Variants in CACYBP observed in about 807,000 individuals in gnomAD.
CACYBP encodes calcyclin binding protein, also known as calcyclin-binding protein.
A neutral mutation model predicts 29.6 loss-of-function variants in CACYBP; 11 were observed. The ratio of observed to expected loss-of-function variants is 0.37; its 90% CI spans 0.23 to 0.61. The LOEUF (loss-of-function observed/expected upper bound fraction) is 0.61, where lower values mean the gene tolerates loss of function less well. Ranked by LOEUF, CACYBP falls within the 20% of genes least tolerant of loss-of-function variation. The pLI is 0.65. For missense variants in CACYBP, 163 were observed against 260.7 expected, an observed-to-expected ratio of 0.63 and a Z score of 2.58; for synonymous variants, 73 against 88.3, an observed-to-expected ratio of 0.83 and a Z score of 0.97.
At chr1:175,006,691 C>T (rs1672626014) in intron 2 of CACYBP, 54 bp from the exon 3 acceptor site, 1 of 884,720 alleles carries the variant, frequency 1.1e-6, no homozygotes, top group Non-Finnish European at 1.9e-6. Context: ...ATTTGCTGTT[C>T]TAAAGATAGT....
chr1:174,999,758 G>T, upstream of CACYBP: 1 of 278,828 alleles, frequency 3.6e-6, no homozygotes, highest in South Asian at 3.2e-5. Flanking sequence ...GGCCCAGCGC[G>T]GTCAAATTAT....
chr1:174,999,867 G>T, upstream of CACYBP: 1 of 503,720 alleles, frequency 2.0e-6, no homozygotes, highest in Non-Finnish European at 3.5e-6. Context: ...TTCGGCAGGC[G>T]GGCGGAGCCA....
intron 4 of CACYBP, 90 bp from the exon 5 acceptor site, chr1:175,008,519 T>G (rs1672671836): frequency 8.2e-6 from 6 of 731,192 alleles, no homozygotes; most frequent in Non-Finnish European, 1.5e-5. Flanking sequence ...TACTAGGGAC[T>G]TGATCAATTG....
Position 175,000,279 on chromosome 1 carries a change from C to A in CACYBP, c.15+84C>A, listed in dbSNP as rs1440546334. ...CCCGCCCTACCGCCGTTTCCGTGGG[C>A]TGAGCCGCCCTGCGGCCACCCGGTC... On this transcript the variant is annotated intron_variant, in intron 1 of 5. Coordinates refer to ENST00000367679, the MANE Select transcript of CACYBP (RefSeq NM_014412.3). The A allele has an allele frequency of 3.1e-5, 47 of 1,536,006 alleles. No homozygotes were observed. The South Asian group carries it at 5.6e-4, about 18-fold the overall frequency.
upstream of CACYBP, chr1:174,999,682 G>GTATCATTAAA: frequency 8.4e-6 from 2 of 239,330 alleles, no homozygotes; most frequent in Non-Finnish European, 8.3e-6. Context: ...CTTGGACTCC[G>GTATCATTAAA]AAGATCGGTA....
intron 4 of CACYBP, 27 bp from the exon 5 acceptor site, chr1:175,008,582 G>GT (rs745985565): frequency 1.9e-5 from 19 of 992,244 alleles, no homozygotes; most frequent in Non-Finnish European, 3.1e-5. Flanking sequence ...CTTCTAAGCT[G>GT]TATTTGTTTT....
At chr1:175,009,643 C>CAAAAAAA (rs67446162) in intron 5 of CACYBP, among the ~76,000 whole-genome samples, 1 of 100,504 alleles carries the variant, frequency 9.9e-6, no homozygotes, top group Non-Finnish European at 1.9e-5. Context: ...AGGACTGTCT[C>CAAAAAAA]AAAAAAAAAA....
rs746637081 is a variant in CACYBP at position 175,009,983 on chromosome 1, A to G, written c.591A>G (p.Lys197=). The change falls in exon 6 of 6, where the codon AAA becomes AAG. Residue 197 remains lysine (K), a synonymous_variant. Coordinates refer to ENST00000367679, the MANE Select transcript of CACYBP (RefSeq NM_014412.3). ...PSEGLMNVLK[K]IYEDGDDDMK... is the part of the protein sequence containing the mutation. ...AGGGATTGATGAATGTTCTAAAGAA[A>G]ATTTATGAAGATGGAGACGATGATA... The G allele has an allele frequency of 3.6e-5, 58 of 1,613,272 alleles. No homozygotes were observed. The highest frequency in any genetic ancestry group is 4.7e-5 in the Non-Finnish European group (56 of 1,179,378).
Position 174,999,991 on chromosome 1 carries a change from C to A in CACYBP, c.-190C>A, listed in dbSNP as rs988128180. 81 of 777,482 alleles carry A rather than the reference C, an allele frequency of 1.0e-4. No homozygotes were observed. Among genetic ancestry groups the A allele is most frequent in the Non-Finnish European group, 4.2e-5 (21 of 494,936 alleles). The allele number at this position is 777,482 out of a possible 1,614,324, so 48.2% of individuals were successfully genotyped here. On this transcript the variant is annotated 5_prime_UTR_variant, in exon 1 of 6. Coordinates refer to ENST00000367679, the MANE Select transcript of CACYBP (RefSeq NM_014412.3). Reference sequence around the variant, plus strand: ...CGGTGGGCGGTGGCGGCGGCTGCCTCGCGAAGGTTCGAGATCCGTCGCGTG... The same window carrying A: ...CGGTGGGCGGTGGCGGCGGCTGCCTAGCGAAGGTTCGAGATCCGTCGCGTG...
intron 2 of CACYBP, chr1:175,005,161 A>C (rs1672588625): frequency 3.0e-6 from 1 of 333,334 alleles, no homozygotes; most frequent in Non-Finnish European, 5.7e-6. Context: ...TCTGCCAACC[A>C]CCACAATTAA....
At chr1:175,000,443 T>A in intron 1 of CACYBP, 1 of 1,372,424 alleles carries the variant, frequency 7.3e-7, no homozygotes. Context: ...CGATTATCCG[T>A]GCAGGCGGTG....
At chr1:175,004,989 A>T (rs1183720359) in intron 2 of CACYBP, 156 bp downstream of exon 2, 7 of 686,546 alleles carry the variant, frequency 1.0e-5, no homozygotes, top group Non-Finnish European at 1.9e-5. Flanking sequence ...TTTAAGATAT[A>T]AATAGGAAAG....
chr1:175,000,511 C>G, intron 1 of CACYBP: 10 of 1,279,146 alleles, frequency 7.8e-6, no homozygotes, highest in Non-Finnish European at 9.9e-6. Context: ...CCTTTCTGCC[C>G]TGGTTTCCCA....
rs1672750389 is a variant in CACYBP, at chr1:175,011,311, GAC to G, written c.*1236_*1237del. The G allele has an allele frequency of 6.6e-6, 1 of 152,034 alleles. No homozygotes were observed. The highest frequency in any genetic ancestry group is 1.5e-5 in the Non-Finnish European group (1 of 68,022). 9.4% of individuals were successfully genotyped at this position (152,034 alleles called of 1,614,324 possible). ...GGGTTGACACATGAACAGAATAGCA[GAC>G]ACAATGCATATGAAAGTTACAGAAT... On this transcript the variant is annotated 3_prime_UTR_variant, in exon 6 of 6. Coordinates refer to ENST00000367679, the MANE Select transcript of CACYBP (RefSeq NM_014412.3).
intron 3 of CACYBP, 46 bp from the exon 4 acceptor site, chr1:175,007,052 C>G (rs945607640): frequency 1.5e-6 from 2 of 1,290,754 alleles, no homozygotes; most frequent in Middle Eastern, 5.2e-4. Context: ...AGTAAGGGTA[C>G]CTTTCATAGA....
chr1:175,000,328 T>G, intron 1 of CACYBP, 133 bp downstream of exon 1: 1 of 1,468,248 alleles, frequency 6.8e-7, no homozygotes. Context: ...TGCGCCGCCT[T>G]CCCGGGGGAC....
intron 2 of CACYBP, 118 bp from the exon 3 acceptor site, chr1:175,006,627 G>A (rs563138727): frequency 1.2e-5 from 7 of 572,002 alleles, no homozygotes; most frequent in African/African-American, 9.7e-5. Context: ...ATTTTTTCAT[G>A]TTTATATGAC....
At chr1:175,005,627 A>G (rs931695259) in intron 2 of CACYBP, among the ~76,000 whole-genome samples, 1 of 152,154 alleles carries the variant, frequency 6.6e-6, no homozygotes, top group Admixed American at 6.6e-5. Context: ...TCTATTTTGA[A>G]TATTGTTAAT....
Position 175,008,638 on chromosome 1 carries a change from TAGAA to T in CACYBP, c.469_472del (p.Lys157TrpfsTer9). 1.3e-6 allele frequency: 2 copies of T among 1,587,320 alleles called. No individual in the cohort carries two copies. The highest frequency in any genetic ancestry group is 1.7e-6 in the Non-Finnish European group (2 of 1,155,732). On this transcript the variant is annotated frameshift_variant, in exon 5 of 6. Transcript: ENST00000367679. LOFTEE classifies it high-confidence loss of function. ...AGACTGATACAGTTCTTATATTGTG[TAGAA>T]AGAAAGTGGAAAACACAAGGTGGGA...
Sources: allele counts gnomAD v4.1 joint callset (sites outside exome capture counted in the v4.1 genomes callset), GRCh38; gene constraint gnomAD v4.1.1; transcripts MANE v1.5; gene names NCBI Gene and HGNC (gene_info 2026-07-23, HGNC 2026-07-21).